The following SLC17A5 variants were observed in gnomAD, a reference collection of about 807,000 sequenced individuals.
SLC17A5 encodes the protein sialin.
A neutral mutation model predicts 59.4 loss-of-function variants in SLC17A5; 47 were observed. The observed-to-expected ratio is 0.79, with a 90% CI of 0.63 to 1.01. SLC17A5 has a LOEUF of 1.01. Among genes scored for constraint, SLC17A5 ranks in the 50% least tolerant of loss-of-function variants. The pLI is 0.00. For synonymous variants in SLC17A5, 202 were observed against 210.7 expected, an observed-to-expected ratio of 0.96 and a Z score of 0.36; for missense variants, 522 against 595.5, an observed-to-expected ratio of 0.88 and a Z score of 1.28.
intron 6 of SLC17A5, among the ~76,000 whole-genome samples, chr6:73,633,531 C>T (rs1214645409): frequency 6.6e-6 from 1 of 151,516 alleles, no homozygotes; most frequent in African/African-American, 2.4e-5. Context: ...CATGCCCAGC[C>T]AAGACTAAGT....
chr6:73,594,989 T>C lies in SLC17A5; in HGVS notation c.*88A>G, dbSNP rs1766728236. 5 of 1,400,730 alleles carry C rather than the reference T, an allele frequency of 3.6e-6. No homozygotes were observed. The highest frequency in any genetic ancestry group is 3.4e-5 in the Admixed American group (2 of 58,726). 86.8% of individuals were successfully genotyped at this position (1,400,730 alleles called of 1,614,324 possible). ...ATACAAGTACAATTAAAAAAAGACA[T>C]AGAATGCTTACACAATACAGAAGGC... On this transcript the variant is annotated 3_prime_UTR_variant, in exon 11 of 11. Transcript: ENST00000355773.
intron 9 of SLC17A5, among the ~76,000 whole-genome samples, chr6:73,600,648 T>G (rs1767016272): frequency 1.3e-5 from 2 of 151,724 alleles, no homozygotes; most frequent in Admixed American, 6.6e-5. Context: ...ACTACAGGCA[T>G]CCACCATCAT....
chr6:73,623,456 C>T (rs1339901575), intron 6 of SLC17A5, among the ~76,000 whole-genome samples: 5 of 151,790 alleles, frequency 3.3e-5, no homozygotes, highest in Non-Finnish European at 7.4e-5. Context: ...GGCCTCAGCC[C>T]CCCAAGTAGC....
chr6:73,651,733 G>A (rs1250810013), intron 1 of SLC17A5, among the ~76,000 whole-genome samples: 1 of 151,602 alleles, frequency 6.6e-6, no homozygotes, highest in African/African-American at 2.4e-5. Flanking sequence ...TAGTAGGGAC[G>A]GCGTTTCAGG....
chr6:73,622,767 T>C (rs2150100317), intron 6 of SLC17A5, among the ~76,000 whole-genome samples: 2 of 152,326 alleles, frequency 1.3e-5, no homozygotes, highest in South Asian at 4.1e-4. Context: ...CCATATGCAG[T>C]AGTGGTCTTT....
intron 9 of SLC17A5, among the ~76,000 whole-genome samples, chr6:73,608,358 T>C (rs897864759): frequency 2.0e-5 from 3 of 152,170 alleles, no homozygotes; most frequent in Non-Finnish European, 4.4e-5. Flanking sequence ...GATCCTTTTC[T>C]TTCTGCTTGA....
At chr6:73,607,888 T>C (rs574875883) in intron 9 of SLC17A5, among the ~76,000 whole-genome samples, 4 of 151,632 alleles carry the variant, frequency 2.6e-5, no homozygotes, top group African/African-American at 9.7e-5. Context: ...GCGATTCTCC[T>C]GCCTCAGCCT....
intron 10 of SLC17A5, 38 bp downstream of exon 10, chr6:73,600,313 C>CA (rs1476282260): frequency 3.4e-6 from 5 of 1,475,386 alleles, no homozygotes; most frequent in Non-Finnish European, 4.7e-6. Context: ...TGTGCAGCTC[C>CA]AAAACCTTTC....
At chr6:73,618,569 G>A in intron 7 of SLC17A5, 1 of 522,242 alleles carries the variant, frequency 1.9e-6, no homozygotes, top group Admixed American at 2.2e-5. Flanking sequence ...CTTATGGAAG[G>A]ATGTTCCTTC....
At chr6:73,652,909 G>T in intron 1 of SLC17A5, 1 of 384,130 alleles carries the variant, frequency 2.6e-6, no homozygotes, top group Non-Finnish European at 3.6e-6. Flanking sequence ...CATTCAAACT[G>T]ATTTGTTCTT....
intron 3 of SLC17A5, among the ~76,000 whole-genome samples, chr6:73,638,760 A>G (rs956101278): frequency 3.3e-5 from 5 of 152,084 alleles, no homozygotes; most frequent in African/African-American, 1.2e-4. Flanking sequence ...GCTTGAGCCC[A>G]GGAGTTCGAG....
intron 1 of SLC17A5, 22 bp downstream of exon 1, chr6:73,653,771 C>T (rs777207244): frequency 6.4e-7 from 1 of 1,560,886 alleles, no homozygotes; most frequent in Non-Finnish European, 8.7e-7. Context: ...ACTCGAAGCC[C>T]CTGGACGACC....
rs775914101 is a variant in SLC17A5, at chr6:73,644,620, G to A, written c.95-17C>T. 1.9e-6 allele frequency: 3 copies of A among 1,606,238 alleles called. No homozygotes were observed. The South Asian group carries it at 3.3e-5, about 18-fold the overall frequency. ...ACACTGGAGCTGAAATAAAGATTGG[G>A]GAAAATTTTTATTTATTTTTAAATT... On this transcript the variant is annotated splice_polypyrimidine_tract_variant and intron_variant, in intron 1 of 10. Transcript: ENST00000355773.
chr6:73,637,429 A>G (rs1313386570), intron 4 of SLC17A5, among the ~76,000 whole-genome samples: 2 of 152,224 alleles, frequency 1.3e-5, no homozygotes, highest in African/African-American at 2.4e-5. Flanking sequence ...TGAACCTATC[A>G]TCAGATTTCT....
At position 73,641,735 on chromosome 6, in the gene SLC17A5, C is replaced by G; in HGVS notation, c.481G>C (p.Val161Leu). ...GCTCTGAGTACAATGAGTGGTCCAA[C>G]TCCTAAATCTGCAGCAATGGGAGTG... ...LFTPIAADLG[V>L]GPLIVLRALE... The change falls in exon 3 of 11, where the codon GTT becomes CTT. Residue 161 changes from valine (V) to leucine (L), a missense_variant. Physicochemically the swap from Val to Leu is conservative, Grantham distance 32 (BLOSUM62 1). Around this residue, in one of 3 missense-constraint regions of SLC17A5, gnomAD observed 338 missense variants for 363.8 expected, o/e 0.93. Coordinates refer to ENST00000355773, the MANE Select transcript of SLC17A5 (RefSeq NM_012434.5). 1 of 1,614,142 alleles carries G rather than the reference C, an allele frequency of 6.2e-7. No individual in the cohort carries two copies. The highest frequency in any genetic ancestry group is 8.5e-7 in the Non-Finnish European group (1 of 1,180,008).
intron 7 of SLC17A5, among the ~76,000 whole-genome samples, chr6:73,619,922 G>GT (rs1174723514): frequency 0.061 from 7,319 of 119,100 alleles, 408 homozygotes; most frequent in Admixed American, 0.14. Context: ...TTGAGAATTT[G>GT]TTTTTTTTTT....
At chr6:73,637,099 A>C (rs1217684292) in intron 4 of SLC17A5, among the ~76,000 whole-genome samples, 1 of 152,012 alleles carries the variant, frequency 6.6e-6, no homozygotes, top group Non-Finnish European at 1.5e-5. Context: ...AAAAGGCTAA[A>C]ATGTGGTCCC....
Position 73,595,165 on chromosome 6 carries a change from T to C in SLC17A5, c.1400A>G (p.Asn467Ser), listed in dbSNP as rs1401842314. 1 of 1,614,106 alleles carries C rather than the reference T, an allele frequency of 6.2e-7. No individual in the cohort carries two copies. The highest frequency in any genetic ancestry group is 1.1e-5 in the South Asian group (1 of 91,082). ...TGTAAAGAAAATGGCACCAAAAACATTAATAGCAGCAGCAATATAGAACAC... is the reference window on the plus strand; with the variant it reads ...TGTAAAGAAAATGGCACCAAAAACACTAATAGCAGCAGCAATATAGAACAC... The part of the protein sequence containing the change: ...QTVFYIAAAI[N>S]VFGAIFFTLF... Residue 467 changes from asparagine (N) to serine (S), a missense_variant, in exon 11 of 11, where the codon AAT becomes AGT. By Grantham distance (46) the Asn-to-Ser change is conservative. Coordinates refer to ENST00000355773, the MANE Select transcript of SLC17A5 (RefSeq NM_012434.5).
intron 1 of SLC17A5, among the ~76,000 whole-genome samples, chr6:73,646,448 A>G (rs1380083488): frequency 6.6e-6 from 1 of 151,882 alleles, no homozygotes; most frequent in African/African-American, 2.4e-5. Context: ...TTCATTTGGC[A>G]TTCTTAAATC....
Sources: gnomAD v4.1 joint callset for allele counts (sites outside exome capture counted in the v4.1 genomes callset) on GRCh38, gnomAD v4.1.1 for gene constraint, gnomAD v4.1.1 regional missense constraint, MANE v1.5 for transcripts, NCBI Gene and HGNC (gene_info 2026-07-23, HGNC 2026-07-21) for gene names.